Variants in STK10 observed in about 807,000 individuals in gnomAD.
STK10 encodes the protein serine/threonine-protein kinase 10.
STK10 carries 78 observed loss-of-function variants against 113.8 expected under a neutral mutation model. That is an observed-to-expected ratio of 0.69 (90% CI 0.57 to 0.83). The LOEUF is 0.83. STK10 is among the 40% of genes least tolerant of loss of function. The pLI, the probability that STK10 is intolerant of heterozygous loss-of-function variation, is 0.00. For missense variants in STK10, 1,109 were observed against 1,280.1 expected (o/e 0.87, Z 2.04); for synonymous variants, 465 against 494.7 (o/e 0.94, Z 0.80).
At position 172,170,683 on chromosome 5, in the gene STK10, T is replaced by G. The variant is rs1383668656; in HGVS notation, c.157-13895A>C. ...GGGATTGGCCCAAAGATACCAAGTCTTGGCCTTGGCTGAAAACGGGAGCAA... is the reference window on the plus strand; with the variant it reads ...GGGATTGGCCCAAAGATACCAAGTCGTGGCCTTGGCTGAAAACGGGAGCAA... On this transcript the variant is annotated intron_variant, in intron 1 of 18. Transcript: ENST00000176763. Among the ~76,000 whole-genome samples the G allele has an allele frequency of 3.3e-5, 5 of 152,330 alleles. No homozygotes were observed. The South Asian group carries it at 6.2e-4, about 19-fold the overall frequency.
rs780570927 is a variant in STK10 at position 172,105,714 on chromosome 5, A to T, written c.812T>A (p.Leu271Gln). The change falls in exon 7 of 19, where the codon CTG (leucine) becomes CAG (glutamine). Residue 271 changes from leucine (L) to glutamine (Q), a missense_variant. Leu to Gln is a moderately radical substitution (Grantham distance 113). Coordinates refer to ENST00000176763, the MANE Select transcript of STK10 (RefSeq NM_005990.4). ...TGGGTTCTTATCCAGGGCTATCTTC[A>T]GGAAGTCACGGAACTCTACAGACCT... Reference protein sequence around the residue: ...SKWSVEFRDFLKIALDKNPET... With the variant: ...SKWSVEFRDFQKIALDKNPET... 6.2e-7 allele frequency: 1 copy of T among 1,613,750 alleles called. No homozygotes were observed. Among genetic ancestry groups the T allele is most frequent in the African/African-American group, 1.3e-5 (1 of 74,916 alleles).
intron 2 of STK10, among the ~76,000 whole-genome samples, chr5:172,140,246 A>G (rs1338925590): frequency 6.6e-6 from 1 of 152,250 alleles, no homozygotes; most frequent in Non-Finnish European, 1.5e-5. Context: ...GATATGTATC[A>G]TCTTACACCT....
intron 17 of STK10, 114 bp downstream of exon 17, chr5:172,054,455 G>T: frequency 2.1e-6 from 3 of 1,462,082 alleles, no homozygotes; most frequent in Non-Finnish European, 2.8e-6. Context: ...TCCATCCCGG[G>T]CGTGTCTGAT....
intron 1 of STK10, among the ~76,000 whole-genome samples, chr5:172,167,400 C>T (rs996746517): frequency 1.3e-5 from 2 of 152,186 alleles, no homozygotes; most frequent in African/African-American, 2.4e-5. Context: ...AACTAGGCTA[C>T]AATTTTCCTT....
chr5:172,097,230 G>C (rs1481754159), intron 7 of STK10, among the ~76,000 whole-genome samples: 1 of 152,128 alleles, frequency 6.6e-6, no homozygotes, highest in Non-Finnish European at 1.5e-5. Flanking sequence ...AGTAGAGACG[G>C]GGTTTCACCA....
intron 2 of STK10, among the ~76,000 whole-genome samples, chr5:172,143,899 G>C (rs1770028483): frequency 6.6e-6 from 1 of 152,154 alleles, no homozygotes; most frequent in African/African-American, 2.4e-5. Flanking sequence ...AAGATGCCCA[G>C]AAATCAGGGG....
chr5:172,118,551 C>G (rs1324998723), intron 3 of STK10, among the ~76,000 whole-genome samples: 5 of 152,102 alleles, frequency 3.3e-5, no homozygotes, highest in Non-Finnish European at 1.5e-5. Flanking sequence ...AAGGAGCCAG[C>G]AGAGGCAACA....
chr5:172,173,356 G>A (rs1561835312), intron 1 of STK10, among the ~76,000 whole-genome samples: 1 of 152,218 alleles, frequency 6.6e-6, no homozygotes, highest in Non-Finnish European at 1.5e-5. Flanking sequence ...TTGCCTCAGG[G>A]TGACAATGCT....
At chr5:172,137,704 T>C (rs1244782193) in intron 2 of STK10, among the ~76,000 whole-genome samples, 10 of 121,376 alleles carry the variant, frequency 8.2e-5, no homozygotes, top group Admixed American at 2.5e-4. Context: ...CACAGTGAAA[T>C]CCCATCTTTA....
intron 12 of STK10, among the ~76,000 whole-genome samples, chr5:172,069,811 G>C (rs1561794594): frequency 6.6e-6 from 1 of 152,076 alleles, no homozygotes; most frequent in African/African-American, 2.4e-5. Flanking sequence ...CAATTAAGTT[G>C]ACCTACTTGA....
At chr5:172,175,517 G>T (rs1039003280) in intron 1 of STK10, among the ~76,000 whole-genome samples, 1 of 152,062 alleles carries the variant, frequency 6.6e-6, no homozygotes, top group African/African-American at 2.4e-5. Context: ...GCCAGGAGGG[G>T]CCCCAGGAGC....
chr5:172,056,967 G>GAA (rs1379070849), intron 15 of STK10: 6 of 92,982 alleles, frequency 6.5e-5, no homozygotes, highest in Non-Finnish European at 1.2e-4. Flanking sequence ...AAGAAAGAAA[G>GAA]AAAGAAAGAA....
At chr5:172,124,481 A>G (rs917162969) in intron 3 of STK10, among the ~76,000 whole-genome samples, 2 of 152,160 alleles carry the variant, frequency 1.3e-5, no homozygotes, top group Non-Finnish European at 2.9e-5. Context: ...GAGAAGGCAC[A>G]CCCAAGAGCC....
rs546732736 is a variant in STK10, at chr5:172,187,950, G to T, written c.93C>A (p.Asp31Glu). ...REYEHVRRDL[D>E]PNEVWEIVGE... ...CCACGATCTCCCACACCTCGTTGGG[G>T]TCCAGGTCGCGGCGGACGTGCTCAT... The change falls in exon 1 of 19, where the codon GAC becomes GAA. Residue 31 changes from aspartate to glutamate, a missense_variant. Asp to Glu is a conservative substitution (Grantham distance 45). This residue lies in a region of STK10 where 57 missense variants were observed against 53.6 expected (regional missense o/e 1.06). Coordinates refer to ENST00000176763, the MANE Select transcript of STK10 (RefSeq NM_005990.4). The surrounding 1 kb of genome is among the most constrained non-coding windows in gnomAD (Gnocchi z 4.6). 4.3e-6 allele frequency: 7 copies of T among 1,613,650 alleles called. No homozygotes were observed. The South Asian group carries it at 6.6e-5, about 15-fold the overall frequency.
rs1427331334 is a variant in STK10, at chr5:172,133,330, C to T, written c.322-5909G>A. ...AAAACAGTGGGTTGGGGACAAACAG[C>T]GAAGAGGCCATTTCATGAGTCCTGA... is the stretch of plus-strand genomic sequence containing the variant. On this transcript the variant is annotated intron_variant, in intron 2 of 18. Transcript: ENST00000176763. The surrounding 1 kb of genome is among the most constrained non-coding windows in gnomAD (Gnocchi z 4.9). Among the ~76,000 whole-genome samples, 1 of 152,116 alleles carries T rather than the reference C, an allele frequency of 6.6e-6. No individual in the cohort carries two copies. The highest frequency in any genetic ancestry group is 1.5e-5 in the Non-Finnish European group (1 of 68,026).
intron 2 of STK10, among the ~76,000 whole-genome samples, chr5:172,137,510 CACCACTTCATGAGA>C (rs1769887576): frequency 6.6e-6 from 1 of 151,936 alleles, no homozygotes; most frequent in East Asian, 1.9e-4. Context: ...CACAGTTAAA[CACCACTTCATGAGA>C]AATACTCAAC....
intron 12 of STK10, 88 bp from the exon 13 acceptor site, chr5:172,064,900 G>C: frequency 1.4e-6 from 2 of 1,450,894 alleles, no homozygotes; most frequent in Non-Finnish European, 1.9e-6. Flanking sequence ...CCCCGGGCCA[G>C]AGAAACCAAA....
At chr5:172,151,149 T>C (rs1770219855) in intron 2 of STK10, among the ~76,000 whole-genome samples, 1 of 152,238 alleles carries the variant, frequency 6.6e-6, no homozygotes, top group South Asian at 2.1e-4. Context: ...TATAGACCTT[T>C]TCTATTTGTA....
intron 13 of STK10, among the ~76,000 whole-genome samples, chr5:172,064,082 C>A (rs1404861284): frequency 6.6e-6 from 1 of 152,068 alleles, no homozygotes; most frequent in Non-Finnish European, 1.5e-5. Flanking sequence ...TTGGAATTCA[C>A]ATTGATCACA....
Sources: gnomAD v4.1 joint callset for allele counts (sites outside exome capture counted in the v4.1 genomes callset) on GRCh38, gnomAD v4.1.1 for gene constraint, gnomAD v4.1.1 regional missense constraint, Gnocchi (gnomAD v3.1) non-coding constraint, MANE v1.5 for transcripts, NCBI Gene and HGNC (gene_info 2026-07-23, HGNC 2026-07-21) for gene names.